The following PEX16 variants were observed in gnomAD, a reference collection of about 807,000 sequenced individuals.
The protein encoded by PEX16 is peroxisomal biogenesis factor 16.
In PEX16, 37 loss-of-function variants were observed where a neutral mutation model predicts 50.5. The ratio of observed to expected loss-of-function variants is 0.73; its 90% CI spans 0.56 to 0.96. PEX16 has a LOEUF of 0.96. PEX16 is among the 40% of genes least tolerant of loss of function. The pLI, the probability that PEX16 is intolerant of heterozygous loss-of-function variation, is 0.00. For missense variants in PEX16, 401 were observed against 438.3 expected (o/e 0.91, Z 0.76); for synonymous variants, 185 against 190.3 (o/e 0.97, Z 0.23).
chr11:45,913,810 G>T lies in PEX16; in HGVS notation c.887+9C>A, dbSNP rs370590743. The T allele has an allele frequency of 3.5e-5, 56 of 1,613,968 alleles. No individual in the cohort carries two copies. The African/African-American group carries it at 6.7e-4, about 19-fold the overall frequency. ...CCTCTCCCTGGCTCAGGGTGTCCTGGGTGCTTACTCGGAGAAGCGGTCATA... is the reference window on the plus strand; with the variant it reads ...CCTCTCCCTGGCTCAGGGTGTCCTGTGTGCTTACTCGGAGAAGCGGTCATA... On this transcript the variant is annotated intron_variant, in intron 9 of 10. Transcript: ENST00000378750.
intron 9 of PEX16, among the ~76,000 whole-genome samples, chr11:45,911,190 C>T: frequency 6.6e-6 from 1 of 152,216 alleles, no homozygotes; most frequent in East Asian, 1.9e-4. Context: ...TGGCCGCTGA[C>T]CCACAACACC....
chr11:45,914,197 C>A lies in PEX16; in HGVS notation c.701G>T (p.Ser234Ile), dbSNP rs755175843. The stretch of plus-strand genomic sequence containing the variant: ...CGACCTCTGACCCCACAGGCCCAGG[C>A]TGAGCACTGACGGCCAAGGCGTCAA... Reference protein sequence around the residue: ...YIARPLLHLLSLGLWGQRSWK... With the variant: ...YIARPLLHLLILGLWGQRSWK... The change falls in exon 8 of 11, where the codon AGC (serine) becomes ATC (isoleucine). Residue 234 changes from serine to isoleucine, a missense_variant. By Grantham distance (142) the Ser-to-Ile change is moderately radical. Coordinates refer to ENST00000378750, the MANE Select transcript of PEX16 (RefSeq NM_004813.4). 1 of 1,613,276 alleles carries A rather than the reference C, an allele frequency of 6.2e-7. No homozygotes were observed. The highest frequency in any genetic ancestry group is 8.5e-7 in the Non-Finnish European group (1 of 1,179,722).
Position 45,913,941 on chromosome 11 carries a change from G to A in PEX16, c.768-3C>T. On this transcript the variant is annotated splice_region_variant and splice_polypyrimidine_tract_variant and intron_variant, in intron 8 of 10. Transcript: ENST00000378750. ...TTCTGTCACTCAGGAGGCTCAGGCT[G>A]GGAGGCAGGGAGGACATGGTCAGGG... is the stretch of plus-strand genomic sequence containing the variant. 1 of 1,612,018 alleles carries A rather than the reference G, an allele frequency of 6.2e-7. No homozygotes were observed. Among genetic ancestry groups the A allele is most frequent in the South Asian group, 1.1e-5 (1 of 91,070 alleles).
chr11:45,916,120 G>T, intron 3 of PEX16, 107 bp downstream of exon 3: 1 of 869,868 alleles, frequency 1.1e-6, no homozygotes. Flanking sequence ...GATGGACATA[G>T]GCCTGTCTCA....
Position 45,915,719 on chromosome 11 carries a change from G to C in PEX16, c.343C>G (p.Leu115Val). ...GEVGRWLVIA[L>V]VQLAKAVLRM... ...CCAACCTACTTGGCCAGCTGGACGAGGGCGATGACAAGCCAGCGGCCCACT... is the reference window on the plus strand; with the variant it reads ...CCAACCTACTTGGCCAGCTGGACGACGGCGATGACAAGCCAGCGGCCCACT... The change falls in exon 4 of 11, where the codon CTC (leucine) becomes GTC (valine). Residue 115 changes from leucine to valine, a missense_variant. Transcript: ENST00000378750. 6.2e-7 allele frequency: 1 copy of C among 1,614,070 alleles called. No individual in the cohort carries two copies. The highest frequency in any genetic ancestry group is 8.5e-7 in the Non-Finnish European group (1 of 1,179,998).
chr11:45,915,549 G>C lies in PEX16; in HGVS notation c.379C>G (p.Leu127Val). The C allele has an allele frequency of 1.2e-6, 2 of 1,614,184 alleles. No homozygotes were observed. The highest frequency in any genetic ancestry group is 1.7e-6 in the Non-Finnish European group (2 of 1,180,024). Residue 127 changes from leucine to valine, a missense_variant, in exon 5 of 11, where the codon CTG becomes GTG. Transcript: ENST00000378750. ...AGGCCAGCCTTGAACCAGAGCAGCAGGAGCATCCGCAGTACAGCCCTGGGT... is the reference window on the plus strand; with the variant it reads ...AGGCCAGCCTTGAACCAGAGCAGCACGAGCATCCGCAGTACAGCCCTGGGT... ...QLAKAVLRML[L>V]LLWFKAGLQT...
At chr11:45,916,915 C>G (rs1017747773) in intron 2 of PEX16, 10 of 429,310 alleles carry the variant, frequency 2.3e-5, no homozygotes, top group Non-Finnish European at 4.3e-5. Flanking sequence ...CGTGATCCAC[C>G]TGCCTCTGCC....
At position 45,909,778 on chromosome 11, in the gene PEX16, C is replaced by T. The variant is rs929870101; in HGVS notation, c.*476G>A. On this transcript the variant is annotated 3_prime_UTR_variant, in exon 11 of 11. Coordinates refer to ENST00000378750, the MANE Select transcript of PEX16 (RefSeq NM_004813.4). ...GGCTCTGTCACAGGGAGGCTGGCAA[C>T]GCCATGGCCTGGGGCTGCCAGAGCC... The T allele has an allele frequency of 1.1e-5, 5 of 456,350 alleles. No individual in the cohort carries two copies. The highest frequency in any genetic ancestry group is 3.9e-5 in the East Asian group (1 of 25,392). The allele number at this position is 456,350 out of a possible 1,614,324, so 28.3% of individuals were successfully genotyped here. A position where few individuals can be genotyped will look rare whatever the true frequency, so the allele number is the denominator to read the frequency against.
Position 45,917,484 on chromosome 11 carries a change from G to A in PEX16, c.122C>T (p.Ala41Val). Residue 41 changes from alanine (A) to valine (V), a missense_variant, in exon 2 of 11, where the codon GCC becomes GTC. Ala to Val is a moderately conservative substitution (Grantham distance 64). Transcript: ENST00000378750. Reference sequence around the variant, plus strand: ...CAGCTCTGACAGCTCGTGCGAATCGGCGAATCGACCTGGGGAGAGGGTACA... The same window carrying A: ...CAGCTCTGACAGCTCGTGCGAATCGACGAATCGACCTGGGGAGAGGGTACA... ...GFSYLLAGRF[A>V]DSHELSELVY... The A allele has an allele frequency of 1.2e-6, 2 of 1,614,060 alleles. No homozygotes were observed. The highest frequency in any genetic ancestry group is 2.2e-5 in the South Asian group (2 of 91,082).
At chr11:45,915,625 G>A (rs1164825618) in intron 4 of PEX16, 57 bp from the exon 5 acceptor site, 8 of 1,611,668 alleles carry the variant, frequency 5.0e-6, no homozygotes, top group South Asian at 1.1e-5. Context: ...GGGAGGCCAG[G>A]GATGCTCTGC....
In PEX16 at chr11:45,914,697, G is replaced by T; in HGVS notation, c.461-13C>A. 2 of 1,610,352 alleles carry T rather than the reference G, an allele frequency of 1.2e-6. No individual in the cohort carries two copies. The highest frequency in any genetic ancestry group is 2.2e-5 in the South Asian group (2 of 91,020). On this transcript the variant is annotated splice_polypyrimidine_tract_variant and intron_variant, in intron 5 of 10. Coordinates refer to ENST00000378750, the MANE Select transcript of PEX16 (RefSeq NM_004813.4). Reference sequence around the variant, plus strand: ...CTGTGGTCACCATCTAGCAGGGATAGACAGAAGGCCATACAGTCAGAGGGA... The same window carrying T: ...CTGTGGTCACCATCTAGCAGGGATATACAGAAGGCCATACAGTCAGAGGGA...
In PEX16 at chr11:45,916,263, C is replaced by A. The variant is rs756337787; in HGVS notation, c.189G>T (p.Gly63=). ...TTTTCCGAAGCTCCTTCCGTAGGAT[C>A]CCGTCATTGAGCAGCACAAGCAGGT... The part of the protein sequence containing the change: ...ASNLLVLLND[G]ILRKELRKKL... The change falls in exon 3 of 11, where the codon GGG becomes GGT. Residue 63 remains glycine (G), a synonymous_variant. Coordinates refer to ENST00000378750, the MANE Select transcript of PEX16 (RefSeq NM_004813.4). 1.9e-5 allele frequency: 30 copies of A among 1,613,906 alleles called. No homozygotes were observed. Among genetic ancestry groups the A allele is most frequent in the Non-Finnish European group, 8.5e-7 (1 of 1,180,002 alleles).
Position 45,917,488 on chromosome 11 carries a change from A to G in PEX16, c.118T>C (p.Phe40Leu). 1.2e-6 allele frequency: 2 copies of G among 1,614,072 alleles called. No homozygotes were observed. The highest frequency in any genetic ancestry group is 1.7e-6 in the Non-Finnish European group (2 of 1,179,996). Residue 40 changes from phenylalanine (F) to leucine (L), a missense_variant, in exon 2 of 11, where the codon TTC becomes CTC. Coordinates refer to ENST00000378750, the MANE Select transcript of PEX16 (RefSeq NM_004813.4). ...TCTGACAGCTCGTGCGAATCGGCGAATCGACCTGGGGAGAGGGTACAGAAG... is the reference window on the plus strand; with the variant it reads ...TCTGACAGCTCGTGCGAATCGGCGAGTCGACCTGGGGAGAGGGTACAGAAG... ...RGFSYLLAGR[F>L]ADSHELSELV...
chr11:45,909,825 G>T lies in PEX16; in HGVS notation c.*429C>A. On this transcript the variant is annotated 3_prime_UTR_variant, in exon 11 of 11. Coordinates refer to ENST00000378750, the MANE Select transcript of PEX16 (RefSeq NM_004813.4). ...AGCCACAGGGCCCTGCGGAGAAGGGGCAGACGGAGGGCCCCAGCCAGAAGA... is the reference window on the plus strand; with the variant it reads ...AGCCACAGGGCCCTGCGGAGAAGGGTCAGACGGAGGGCCCCAGCCAGAAGA... 1 of 543,584 alleles carries T rather than the reference G, an allele frequency of 1.8e-6. No individual in the cohort carries two copies. Among genetic ancestry groups the T allele is most frequent in the Non-Finnish European group, 3.3e-6 (1 of 300,146 alleles). 33.7% of individuals were successfully genotyped at this position (543,584 alleles called of 1,614,324 possible).
At position 45,916,316 on chromosome 11, in the gene PEX16, G is replaced by C. The variant is rs369471815; in HGVS notation, c.149-13C>G. 2.5e-5 allele frequency: 41 copies of C among 1,607,916 alleles called. No individual in the cohort carries two copies. The East Asian group carries it at 6.9e-4, about 27-fold the overall frequency. On this transcript the variant is annotated splice_polypyrimidine_tract_variant and intron_variant, in intron 2 of 10. Coordinates refer to ENST00000378750, the MANE Select transcript of PEX16 (RefSeq NM_004813.4). ...GAGGCAGAGTACACTGAGGGGTAGAGAGTGGCCTTGAGAGGCTGGCTCTGC... is the reference window on the plus strand; with the variant it reads ...GAGGCAGAGTACACTGAGGGGTAGACAGTGGCCTTGAGAGGCTGGCTCTGC...
intron 6 of PEX16, 39 bp from the exon 7 acceptor site, chr11:45,914,507 G>A (rs2086813230): frequency 1.2e-6 from 2 of 1,610,538 alleles, no homozygotes; most frequent in Non-Finnish European, 1.7e-6. Context: ...GCCAGGCCCA[G>A]GCTGGGGCAG....
rs2086759854 is a variant in PEX16 at position 45,910,106 on chromosome 11, G to A, written c.*148C>T. 3.1e-6 allele frequency: 5 copies of A among 1,611,460 alleles called. No individual in the cohort carries two copies. Among genetic ancestry groups the A allele is most frequent in the African/African-American group, 1.3e-5 (1 of 74,874 alleles). ...GAGCGCAGTCAAGGGTGTCCTGGGA[G>A]GAACGCTGGTGGCGACCAGGGCTGT... On this transcript the variant is annotated 3_prime_UTR_variant, in exon 11 of 11. Transcript: ENST00000378750.
chr11:45,912,770 G>T (rs1161250110), intron 9 of PEX16, among the ~76,000 whole-genome samples: 2 of 151,986 alleles, frequency 1.3e-5, no homozygotes, highest in Admixed American at 6.6e-5. Context: ...CCAAAGTGTT[G>T]GGATTACAGG....
chr11:45,914,841 G>A (rs955364958), intron 5 of PEX16, among the ~76,000 whole-genome samples, 157 bp from the exon 6 acceptor site: 1 of 152,182 alleles, frequency 6.6e-6, no homozygotes, highest in African/African-American at 2.4e-5. Flanking sequence ...GCAGGGTGGC[G>A]GCTCAGCACA....
Sources: gnomAD v4.1 joint callset for allele counts (sites outside exome capture counted in the v4.1 genomes callset) on GRCh38, gnomAD v4.1.1 for gene constraint, MANE v1.5 for transcripts, NCBI Gene and HGNC (gene_info 2026-07-23, HGNC 2026-07-21) for gene names.